Variants in SPOUT1 observed in about 807,000 individuals in gnomAD.
SPOUT1 encodes the protein 28S rRNA (uridine-N(3))-methyltransferase.
In SPOUT1, 40 loss-of-function variants were observed where a neutral mutation model predicts 54.8. The observed-to-expected ratio is 0.73, with a 90% confidence interval of 0.57 to 0.95. SPOUT1 has a LOEUF of 0.95. Among genes scored for constraint, SPOUT1 ranks in the 40% least tolerant of loss-of-function variants. The probability of loss-of-function intolerance (pLI) is 0.00; values close to 1 mark genes in which losing one functional copy is unlikely to be tolerated. For synonymous variants in SPOUT1, 193 were observed against 200.3 expected (o/e 0.96, Z 0.31); for missense variants, 437 against 499.5 (o/e 0.87, Z 1.19).
At position 128,826,730 on chromosome 9, in the gene SPOUT1, G is replaced by A; in HGVS notation, c.369-101C>T. The A allele has an allele frequency of 1.2e-6, 1 of 862,872 alleles. No individual in the cohort carries two copies. Among genetic ancestry groups the A allele is most frequent in the South Asian group, 1.7e-5 (1 of 58,044 alleles). The allele number at this position is 862,872 out of a possible 1,614,324, so 53.5% of individuals were successfully genotyped here. A position where few individuals can be genotyped will look rare whatever the true frequency, so the allele number is the denominator to read the frequency against. ...TAATCCCAGCTACTCAGGAGGCTAAGGTGGGAGGATCATCTGAGTGCAGCA... is the reference window on the plus strand; with the variant it reads ...TAATCCCAGCTACTCAGGAGGCTAAAGTGGGAGGATCATCTGAGTGCAGCA... On this transcript the variant is annotated intron_variant, in intron 4 of 11. Coordinates refer to ENST00000361256, the MANE Select transcript of SPOUT1 (RefSeq NM_016390.4). This position sits in a 1 kb window ranked among gnomAD's most constrained non-coding sequence, Gnocchi z 5.5.
intron 3 of SPOUT1, 52 bp from the exon 4 acceptor site, chr9:128,827,243 C>A (rs780680991): frequency 2.0e-6 from 3 of 1,513,014 alleles, no homozygotes; most frequent in Admixed American, 3.7e-5. Context: ...GGGCCCCCTA[C>A]CTTTCTCTCC....
Position 128,822,042 on chromosome 9 carries a change from G to T in SPOUT1, c.*723C>A. 2.1e-6 allele frequency: 1 copy of T among 466,096 alleles called. No homozygotes were observed. Among genetic ancestry groups the T allele is most frequent in the East Asian group, 4.1e-5 (1 of 24,320 alleles). 28.9% of individuals were successfully genotyped at this position (466,096 alleles called of 1,614,324 possible). ...TGGACAGTCGTTAAGTCTCCCCTCA[G>T]ACGAATGTGAATATTCAGAAGGCTC... On this transcript the variant is annotated 3_prime_UTR_variant, in exon 12 of 12. Transcript: ENST00000361256.
At chr9:128,823,622 G>T in intron 11 of SPOUT1, 125 bp downstream of exon 11, 1 of 808,210 alleles carries the variant, frequency 1.2e-6, no homozygotes, top group Non-Finnish European at 1.9e-6. Context: ...CAAGGGGGAT[G>T]AGAGGACCAC....
chr9:128,824,648 G>GC, intron 9 of SPOUT1, 123 bp downstream of exon 9: 1 of 694,458 alleles, frequency 1.4e-6, no homozygotes. Flanking sequence ...GGAAGGACTT[G>GC]CCCAAGGACA....
rs1000377291 is a variant in SPOUT1, at chr9:128,819,721, A to C, written c.*3044T>G. 3 of 155,818 alleles carry C rather than the reference A, an allele frequency of 1.9e-5. No homozygotes were observed. The highest frequency in any genetic ancestry group is 7.2e-5 in the African/African-American group (3 of 41,502). The allele number at this position is 155,818 out of a possible 1,614,324, so 9.7% of individuals were successfully genotyped here. On this transcript the variant is annotated 3_prime_UTR_variant, in exon 12 of 12. Coordinates refer to ENST00000361256, the MANE Select transcript of SPOUT1 (RefSeq NM_016390.4). ...TATAGTGAAATATACAACTCACAGTAATGTAGGATCCGTGGGAGCCCTGAG... is the reference window on the plus strand; with the variant it reads ...TATAGTGAAATATACAACTCACAGTCATGTAGGATCCGTGGGAGCCCTGAG...
chr9:128,824,213 A>C, intron 9 of SPOUT1, 39 bp from the exon 10 acceptor site: 1 of 1,179,538 alleles, frequency 8.5e-7, no homozygotes, highest in Non-Finnish European at 1.3e-6. Flanking sequence ...CCTGCTCCCC[A>C]CAAGCCATAG....
chr9:128,820,616 T>A lies in SPOUT1; in HGVS notation c.*2149A>T, dbSNP rs993045623. 3.9e-6 allele frequency: 3 copies of A among 771,806 alleles called. No homozygotes were observed. The highest frequency in any genetic ancestry group is 1.7e-5 in the African/African-American group (1 of 57,464). 47.8% of individuals were successfully genotyped at this position (771,806 alleles called of 1,614,324 possible). A position where few individuals can be genotyped will look rare whatever the true frequency, so the allele number is the denominator to read the frequency against. Reference sequence around the variant, plus strand: ...GACTTTCATTCCTTGAGCCTCAGTTTCCCCCCGCTTGTCTCACTGGATATC... The same window carrying A: ...GACTTTCATTCCTTGAGCCTCAGTTACCCCCCGCTTGTCTCACTGGATATC... On this transcript the variant is annotated 3_prime_UTR_variant, in exon 12 of 12. Transcript: ENST00000361256.
In SPOUT1 at chr9:128,821,199, C is replaced by G. The variant is rs137971010; in HGVS notation, c.*1566G>C. On this transcript the variant is annotated 3_prime_UTR_variant, in exon 12 of 12. Coordinates refer to ENST00000361256, the MANE Select transcript of SPOUT1 (RefSeq NM_016390.4). ...GCACCAAGCTCTCCCACCTTCCCCCCGCAGGTCTGCAGTGCACCAAGCTCT... is the reference window on the plus strand; with the variant it reads ...GCACCAAGCTCTCCCACCTTCCCCCGGCAGGTCTGCAGTGCACCAAGCTCT... 1.5e-3 allele frequency: 449 copies of G among 305,136 alleles called. 3 individuals carry two copies. Among genetic ancestry groups the G allele is most frequent in the African/African-American group, 7.5e-3 (341 of 45,610 alleles). The allele number at this position is 305,136 out of a possible 1,614,324, so 18.9% of individuals were successfully genotyped here. A position where few individuals can be genotyped will look rare whatever the true frequency, so the allele number is the denominator to read the frequency against.
At position 128,827,218 on chromosome 9, in the gene SPOUT1, C is replaced by T. The variant is rs372294548; in HGVS notation, c.209-27G>A. 16 of 1,590,364 alleles carry T rather than the reference C, an allele frequency of 1.0e-5. No individual in the cohort carries two copies. The African/African-American group carries it at 2.0e-4, about 20-fold the overall frequency. On this transcript the variant is annotated intron_variant, in intron 3 of 11. Coordinates refer to ENST00000361256, the MANE Select transcript of SPOUT1 (RefSeq NM_016390.4). ...TGAGCAGGGGAGGGATGTTCCCAGC[C>T]AGTGTGAGAGGCAAGGGCCCCCTAC...
Position 128,821,036 on chromosome 9 carries a change from G to A in SPOUT1, c.*1729C>T, listed in dbSNP as rs1033582393. ...CCACCTCCACAGCCAAAGACCTGTC[G>A]GGTACCCCTGACCATCTCTCCTCTG... On this transcript the variant is annotated 3_prime_UTR_variant, in exon 12 of 12. Transcript: ENST00000361256. 1.8e-5 allele frequency: 11 copies of A among 604,146 alleles called. No individual in the cohort carries two copies. Among genetic ancestry groups the A allele is most frequent in the Admixed American group, 1.4e-4 (5 of 35,204 alleles). The allele number at this position is 604,146 out of a possible 1,614,324, so 37.4% of individuals were successfully genotyped here. A position where few individuals can be genotyped will look rare whatever the true frequency, so the allele number is the denominator to read the frequency against.
intron 11 of SPOUT1, 37 bp downstream of exon 11, chr9:128,823,710 C>T: frequency 6.4e-7 from 1 of 1,571,500 alleles, no homozygotes; most frequent in Non-Finnish European, 8.6e-7. Flanking sequence ...ATCCCAAGGC[C>T]CCAGTGGCTG....
At position 128,822,844 on chromosome 9, in the gene SPOUT1, A is replaced by G. The variant is rs1335303395; in HGVS notation, c.1063-11T>C. ...GATGAGGATGGCTTCCTGGAAGAGA[A>G]GCGTGGCAGTGGGCTGGGGCCTGGG... On this transcript the variant is annotated splice_polypyrimidine_tract_variant and intron_variant, in intron 11 of 11. Coordinates refer to ENST00000361256, the MANE Select transcript of SPOUT1 (RefSeq NM_016390.4). The G allele has an allele frequency of 6.4e-7, 1 of 1,572,444 alleles. No homozygotes were observed. Among genetic ancestry groups the G allele is most frequent in the Non-Finnish European group, 8.6e-7 (1 of 1,156,380 alleles).
intron 3 of SPOUT1, among the ~76,000 whole-genome samples, chr9:128,828,173 C>G (rs973547993): frequency 6.6e-6 from 1 of 152,042 alleles, no homozygotes; most frequent in African/African-American, 2.4e-5. Flanking sequence ...TCAGGAAGAT[C>G]ATGAAGTTCT....
At chr9:128,824,035 T>C (rs779226635) in intron 10 of SPOUT1, 37 bp downstream of exon 10, 4 of 1,591,006 alleles carry the variant, frequency 2.5e-6, no homozygotes, top group Middle Eastern at 3.4e-4. Flanking sequence ...CTGGCCACAT[T>C]CCTCCTGCCC....
intron 8 of SPOUT1, 54 bp from the exon 9 acceptor site, chr9:128,824,923 C>G (rs1177368498): frequency 1.2e-6 from 2 of 1,600,200 alleles, no homozygotes; most frequent in African/African-American, 2.7e-5. Flanking sequence ...AAGCAGGTGG[C>G]TGAACCCTGG....
At chr9:128,824,299 T>TGC (rs1173199449) in intron 9 of SPOUT1, 125 bp from the exon 10 acceptor site, 3 of 544,818 alleles carry the variant, frequency 5.5e-6, no homozygotes, top group Admixed American at 5.2e-5. Context: ...TGTGTGTGTG[T>TGC]GCGTGTGTGT....
At chr9:128,823,292 C>A (rs968008595) in intron 11 of SPOUT1, among the ~76,000 whole-genome samples, 1 of 152,112 alleles carries the variant, frequency 6.6e-6, no homozygotes, top group East Asian at 1.9e-4. Flanking sequence ...CGTAGCACAG[C>A]GTCCTATGCC....
In SPOUT1 at chr9:128,827,211, T is replaced by C. The variant is rs762801579; in HGVS notation, c.209-20A>G. The C allele has an allele frequency of 7.5e-6, 12 of 1,594,158 alleles. No homozygotes were observed. The highest frequency in any genetic ancestry group is 7.7e-6 in the Non-Finnish European group (9 of 1,167,608). Reference sequence around the variant, plus strand: ...GCCGCCCTGAGCAGGGGAGGGATGTTCCCAGCCAGTGTGAGAGGCAAGGGC... The same window carrying C: ...GCCGCCCTGAGCAGGGGAGGGATGTCCCCAGCCAGTGTGAGAGGCAAGGGC... On this transcript the variant is annotated intron_variant, in intron 3 of 11. Coordinates refer to ENST00000361256, the MANE Select transcript of SPOUT1 (RefSeq NM_016390.4).
chr9:128,826,802 G>T lies in SPOUT1; in HGVS notation c.369-173C>A, dbSNP rs1589595696. ...TGACCATGCCACTGCATGCACTCCA[G>T]CCGGGGTGACAGCTGAGATACAGGT... is the stretch of plus-strand genomic sequence containing the variant. On this transcript the variant is annotated intron_variant, in intron 4 of 11. Transcript: ENST00000361256. This position sits in a 1 kb window ranked among gnomAD's most constrained non-coding sequence, Gnocchi z 5.5. Among the ~76,000 whole-genome samples, 2 of 152,172 alleles carry T rather than the reference G, an allele frequency of 1.3e-5. No homozygotes were observed. Among genetic ancestry groups the T allele is most frequent in the African/African-American group, 2.4e-5 (1 of 41,426 alleles).
Sources: gnomAD v4.1 joint callset for allele counts (sites outside exome capture counted in the v4.1 genomes callset) on GRCh38, gnomAD v4.1.1 for gene constraint, Gnocchi (gnomAD v3.1) non-coding constraint, MANE v1.5 for transcripts, NCBI Gene and HGNC (gene_info 2026-07-23, HGNC 2026-07-21) for gene names.